The following POLR3B variants were observed in gnomAD, a reference collection of about 807,000 sequenced individuals.
POLR3B encodes RNA polymerase III subunit B, also known as DNA-directed RNA polymerase III subunit RPC2.
A neutral mutation model predicts 147.4 loss-of-function variants in POLR3B; 96 were observed. The observed-to-expected ratio is 0.65, with a 90% CI of 0.55 to 0.77. POLR3B has a LOEUF of 0.77. Among genes scored for constraint, POLR3B ranks in the 30% least tolerant of loss-of-function variants. The probability of loss-of-function intolerance (pLI) is 0.00; values close to 1 mark genes in which losing one functional copy is unlikely to be tolerated. For synonymous variants in POLR3B, 461 were observed against 485.9 expected, an observed-to-expected ratio of 0.95 and a Z score of 0.67; for missense variants, 1,036 against 1,413.5, an observed-to-expected ratio of 0.73 and a Z score of 4.28.
In POLR3B at chr12:106,457,183, A is replaced by G. The variant is rs2037876063; in HGVS notation, c.2339A>G (p.Lys780Arg). Residue 780 changes from lysine to arginine, a missense_variant, in exon 21 of 28, where the codon AAA (lysine) becomes AGA (arginine). This residue lies in a region of POLR3B where 202 missense variants were observed against 272.8 expected (regional missense o/e 0.74). Coordinates refer to ENST00000228347, the MANE Select transcript of POLR3B (RefSeq NM_018082.6). ...LVYKNAKCTL[K>R]RYTNQTFDKV... is the part of the protein sequence containing the mutation. ...TATAAAAATGCTAAATGTACGTTGA[A>G]ACGATACACCAATCAGACTTTTGAT... 7 of 1,613,406 alleles carry G rather than the reference A, an allele frequency of 4.3e-6. No homozygotes were observed. The highest frequency in any genetic ancestry group is 5.9e-6 in the Non-Finnish European group (7 of 1,179,402).
intron 22 of POLR3B, among the ~76,000 whole-genome samples, 176 bp downstream of exon 22, chr12:106,459,544 T>C (rs1252772786): frequency 6.6e-6 from 1 of 152,196 alleles, no homozygotes; most frequent in African/African-American, 2.4e-5. Flanking sequence ...TGGAATCATA[T>C]AGGCCCTAAA....
intron 9 of POLR3B, among the ~76,000 whole-genome samples, chr12:106,390,078 C>T (rs1258833468): frequency 6.6e-6 from 1 of 152,016 alleles, no homozygotes; most frequent in Non-Finnish European, 1.5e-5. Flanking sequence ...ATTAGCTGGG[C>T]ATGGTGGCAG....
chr12:106,380,847 A>G (rs2036753383), intron 9 of POLR3B, among the ~76,000 whole-genome samples: 1 of 152,224 alleles, frequency 6.6e-6, no homozygotes, highest in Non-Finnish European at 1.5e-5. Context: ...GTCTTCTCAG[A>G]TACAGGCATA....
rs764111608 is a variant in POLR3B at position 106,459,291 on chromosome 12, C to T, written c.2493C>T (p.Ser831=). 1.9e-6 allele frequency: 3 copies of T among 1,609,894 alleles called. No individual in the cohort carries two copies. The highest frequency in any genetic ancestry group is 1.7e-6 in the Non-Finnish European group (2 of 1,176,210). Reference sequence around the variant, plus strand: ...ACAAACAAGTGCTTGTAAATAAGTCCATGCCCACAGTGACTCAGATTCCTT... The same window carrying T: ...ACAAACAAGTGCTTGTAAATAAGTCTATGCCCACAGTGACTCAGATTCCTT... The part of the protein sequence containing the change: ...VENKQVLVNK[S]MPTVTQIPLE... The change falls in exon 22 of 28, where the codon TCC becomes TCT. Residue 831 remains serine, a synonymous_variant. Coordinates refer to ENST00000228347, the MANE Select transcript of POLR3B (RefSeq NM_018082.6).
intron 1 of POLR3B, among the ~76,000 whole-genome samples, chr12:106,360,975 G>A (rs887123233): frequency 2.2e-4 from 33 of 152,214 alleles, no homozygotes; most frequent in African/African-American, 7.5e-4. Context: ...TGGATGAAGT[G>A]TGGTGGTGCG....
intron 19 of POLR3B, among the ~76,000 whole-genome samples, chr12:106,452,324 T>G (rs929793118): frequency 5.3e-5 from 8 of 152,226 alleles, no homozygotes; most frequent in Admixed American, 2.0e-4. Context: ...CTTTTTGATG[T>G]CATAAGCACT....
intron 22 of POLR3B, 126 bp downstream of exon 22, chr12:106,459,494 G>A: frequency 2.8e-6 from 2 of 717,750 alleles, no homozygotes; most frequent in East Asian, 2.7e-5. Flanking sequence ...AGCATTACTT[G>A]TCATGGAAAA....
At position 106,384,207 on chromosome 12, in the gene POLR3B, G is replaced by A. The variant is rs188836563; in HGVS notation, c.723+4068G>A. Among the ~76,000 whole-genome samples the A allele has an allele frequency of 2.0e-5, 3 of 152,136 alleles. No homozygotes were observed. The East Asian group carries it at 5.8e-4, about 29-fold the overall frequency. On this transcript the variant is annotated intron_variant, in intron 9 of 27. Transcript: ENST00000228347. ...CACAATATCTACAAAGCCCAATAAAGCAAAGCATGATAAAAATGATATGTA... is the reference window on the plus strand; with the variant it reads ...CACAATATCTACAAAGCCCAATAAAACAAAGCATGATAAAAATGATATGTA...
chr12:106,480,726 A>G (rs1185101144), intron 23 of POLR3B, among the ~76,000 whole-genome samples: 1 of 152,210 alleles, frequency 6.6e-6, no homozygotes, highest in Non-Finnish European at 1.5e-5. Context: ...TTTGTTAAGT[A>G]TCTTCTGCGT....
chr12:106,481,726 G>T lies in POLR3B; in HGVS notation c.2714-14329G>T, dbSNP rs569271550. Among the ~76,000 whole-genome samples, 3 of 152,306 alleles carry T rather than the reference G, an allele frequency of 2.0e-5. No homozygotes were observed. In the South Asian group the frequency reaches 6.2e-4, roughly 32 times the overall value. ...ACTCAGTGAAGTTTAGAGAAGCAGT[G>T]TTGATAAACACATGTGTTTCATCTG... On this transcript the variant is annotated intron_variant, in intron 23 of 27. Coordinates refer to ENST00000228347, the MANE Select transcript of POLR3B (RefSeq NM_018082.6).
chr12:106,430,529 A>G (rs2037494311), intron 14 of POLR3B, 56 bp downstream of exon 14: 1 of 1,415,730 alleles, frequency 7.1e-7, no homozygotes. Flanking sequence ...ATGTCTGTGC[A>G]TGGGGTGGGG....
chr12:106,364,042 A>G, intron 2 of POLR3B, 140 bp downstream of exon 2: 1 of 684,322 alleles, frequency 1.5e-6, no homozygotes, highest in Non-Finnish European at 2.5e-6. Flanking sequence ...AAGGAATTAT[A>G]AGGTAAAATC....
chr12:106,357,905 G>A lies in POLR3B; in HGVS notation c.26G>A (p.Gly9Glu). The change falls in exon 1 of 28, where the codon GGG becomes GAG. Residue 9 changes from glycine to glutamate, a missense_variant. Gly to Glu is a moderately conservative substitution (Grantham distance 98, BLOSUM62 -2). Around this residue, in one of 12 missense-constraint regions of POLR3B, gnomAD observed 150 missense variants for 145.5 expected, o/e 1.03. Transcript: ENST00000228347. MDVLAEEFGNLTPEQLAAP... is the reference protein window; with the variant it reads MDVLAEEFENLTPEQLAAP... ...ATGGACGTGCTAGCGGAGGAGTTTG[G>A]GAACCTGACTCCGGAGCAGCTGGCG... 1.9e-6 allele frequency: 3 copies of A among 1,613,650 alleles called. No homozygotes were observed. The highest frequency in any genetic ancestry group is 1.7e-6 in the Non-Finnish European group (2 of 1,179,992).
intron 15 of POLR3B, 38 bp downstream of exon 15, chr12:106,432,518 CTG>C: frequency 6.6e-7 from 1 of 1,512,968 alleles, no homozygotes; most frequent in Non-Finnish European, 9.2e-7. Flanking sequence ...CCTAGATAGT[CTG>C]TGAAGAGGGG....
chr12:106,380,202 A>G (rs2036741002), intron 9 of POLR3B, 63 bp downstream of exon 9: 1 of 928,310 alleles, frequency 1.1e-6, no homozygotes, highest in Non-Finnish European at 1.8e-6. Context: ...TTACATATGT[A>G]ATTAGAGATT....
At chr12:106,460,624 A>T (rs1485734337) in intron 22 of POLR3B, among the ~76,000 whole-genome samples, 1 of 152,182 alleles carries the variant, frequency 6.6e-6, no homozygotes, top group Admixed American at 6.5e-5. Context: ...CAGTATGAAA[A>T]GCTATTTTGC....
chr12:106,434,386 G>C (rs1277270005), intron 16 of POLR3B, among the ~76,000 whole-genome samples: 1 of 152,138 alleles, frequency 6.6e-6, no homozygotes, highest in Non-Finnish European at 1.5e-5. Context: ...AGCTTTAAAG[G>C]AGGAGTAGGA....
At chr12:106,420,872 T>C (rs1358622390) in intron 12 of POLR3B, among the ~76,000 whole-genome samples, 1 of 152,228 alleles carries the variant, frequency 6.6e-6, no homozygotes, top group East Asian at 1.9e-4. Context: ...GCATTTCATT[T>C]ACCTATGTAC....
chr12:106,397,370 T>C (rs1384705596), intron 10 of POLR3B, among the ~76,000 whole-genome samples: 1 of 152,210 alleles, frequency 6.6e-6, no homozygotes, highest in Non-Finnish European at 1.5e-5. Flanking sequence ...ATAGAATATT[T>C]CCTTATCCCA....
Sources: gnomAD v4.1 joint callset for allele counts (sites outside exome capture counted in the v4.1 genomes callset) on GRCh38, gnomAD v4.1.1 for gene constraint, gnomAD v4.1.1 regional missense constraint, MANE v1.5 for transcripts, NCBI Gene and HGNC (gene_info 2026-07-23, HGNC 2026-07-21) for gene names.